The following CWH43 variants were observed in gnomAD, a reference collection of about 807,000 sequenced individuals.
The protein encoded by CWH43 is cell wall biogenesis 43 C-terminal homolog, also known as PGAP2-interacting protein.
A neutral mutation model predicts 85.7 loss-of-function variants in CWH43; 91 were observed. The observed-to-expected ratio is 1.06, with a 90% CI of 0.90 to 1.26. CWH43 has a LOEUF of 1.26. Among genes scored for constraint, CWH43 ranks in the 50% most tolerant of loss-of-function variants. The pLI, the probability that CWH43 is intolerant of heterozygous loss-of-function variation, is 0.00. For synonymous variants in CWH43, 323 were observed against 293.6 expected (o/e 1.10, Z -1.02); for missense variants, 869 against 839.2 (o/e 1.04, Z -0.44).
chr4:49,049,677 T>A (rs1784737403), intron 14 of CWH43, among the ~76,000 whole-genome samples: 1 of 152,202 alleles, frequency 6.6e-6, no homozygotes, highest in Non-Finnish European at 1.5e-5. Flanking sequence ...TATTTCCACC[T>A]CAGGACCTTT....
At chr4:49,001,964 T>C (rs1460154732) in intron 6 of CWH43, among the ~76,000 whole-genome samples, 2 of 152,204 alleles carry the variant, frequency 1.3e-5, no homozygotes, top group African/African-American at 4.8e-5. Flanking sequence ...AGATTTTTGG[T>C]ATTATTACAT....
At chr4:49,048,370 T>C (rs1270423844) in intron 14 of CWH43, among the ~76,000 whole-genome samples, 4 of 151,260 alleles carry the variant, frequency 2.6e-5, no homozygotes, top group Admixed American at 6.6e-5. Flanking sequence ...TGTATATATA[T>C]ACACACACAT....
intron 12 of CWH43, among the ~76,000 whole-genome samples, chr4:49,037,450 A>T (rs1222666337): frequency 1.3e-5 from 2 of 152,152 alleles, no homozygotes; most frequent in African/African-American, 4.8e-5. Flanking sequence ...TGCACCTGTC[A>T]TGCCAGTTAC....
intron 13 of CWH43, among the ~76,000 whole-genome samples, chr4:49,039,077 TTAAA>T (rs10597102): frequency 0.57 from 78,851 of 137,284 alleles, 25,640 homozygotes; most frequent in Middle Eastern, 0.75. Context: ...TATAAATAAA[TTAAA>T]TAAATAAATA....
intron 4 of CWH43, among the ~76,000 whole-genome samples, chr4:48,993,278 C>T (rs370555983): frequency 7.2e-5 from 11 of 152,302 alleles, no homozygotes; most frequent in African/African-American, 2.6e-4. Flanking sequence ...CTGTAATACA[C>T]TGCATTTTAC....
intron 15 of CWH43, among the ~76,000 whole-genome samples, chr4:49,056,005 G>A (rs1231391558): frequency 3.4e-5 from 5 of 146,282 alleles, no homozygotes; most frequent in South Asian, 2.2e-4. Flanking sequence ...ATGCTGGTGC[G>A]CTGCACCCAC....
At chr4:49,050,606 G>C in intron 14 of CWH43, 88 bp from the exon 15 acceptor site, 3 of 1,036,806 alleles carry the variant, frequency 2.9e-6, no homozygotes, top group Non-Finnish European at 4.2e-6. Flanking sequence ...TGGGAAACTG[G>C]TTTAATAACA....
intron 13 of CWH43, among the ~76,000 whole-genome samples, chr4:49,044,181 T>G (rs1210678046): frequency 6.6e-6 from 1 of 152,198 alleles, no homozygotes. Flanking sequence ...TTCTGTTCTC[T>G]TTCTTTGATG....
chr4:48,988,109 C>A (rs931369884), intron 1 of CWH43, among the ~76,000 whole-genome samples: 5 of 152,208 alleles, frequency 3.3e-5, no homozygotes, highest in Non-Finnish European at 4.4e-5. Flanking sequence ...CCATCCTCTA[C>A]TGGGGCCTGA....
At chr4:48,990,085 TAG>T (rs1782610888) in intron 2 of CWH43, among the ~76,000 whole-genome samples, 1 of 152,174 alleles carries the variant, frequency 6.6e-6, no homozygotes, top group Admixed American at 6.5e-5. Context: ...ACAGACTGAG[TAG>T]TTACTGGGAC....
intron 8 of CWH43, chr4:49,016,666 A>G: frequency 1.3e-6 from 1 of 760,896 alleles, no homozygotes; most frequent in Non-Finnish European, 2.5e-6. Context: ...AGGGGCAGTT[A>G]CTGGGCTTCT....
At chr4:48,999,962 G>A (rs34955300) in intron 6 of CWH43, among the ~76,000 whole-genome samples, 2,810 of 151,954 alleles carry the variant, frequency 0.018, 31 homozygotes, top group Non-Finnish European at 0.028. Context: ...AGGGAGCATT[G>A]AACTTATTTT....
chr4:48,994,480 G>A (rs948446643), intron 4 of CWH43, 139 bp from the exon 5 acceptor site: 9 of 671,296 alleles, frequency 1.3e-5, no homozygotes, highest in East Asian at 2.7e-5. Context: ...TCATATTGTA[G>A]TTGCATGTCT....
chr4:48,992,138 T>G lies in CWH43; in HGVS notation c.511+48T>G. On this transcript the variant is annotated intron_variant, in intron 4 of 15. Coordinates refer to ENST00000226432, the MANE Select transcript of CWH43 (RefSeq NM_025087.3). The surrounding 1 kb of genome is among the most constrained non-coding windows in gnomAD (Gnocchi z 4.3). Reference sequence around the variant, plus strand: ...TTCTCTTTGCAGAGCTTACCTTTCCTATGTGAATGTTGCACATCTTGGAAA... The same window carrying G: ...TTCTCTTTGCAGAGCTTACCTTTCCGATGTGAATGTTGCACATCTTGGAAA... 1 of 1,454,744 alleles carries G rather than the reference T, an allele frequency of 6.9e-7. No homozygotes were observed. The allele number at this position is 1,454,744 out of a possible 1,614,324, so 90.1% of individuals were successfully genotyped here.
chr4:49,001,462 G>A (rs557774197), intron 6 of CWH43, among the ~76,000 whole-genome samples: 5 of 152,008 alleles, frequency 3.3e-5, no homozygotes, highest in South Asian at 2.1e-4. Context: ...CTAACAGTGC[G>A]TATCATATAC....
intron 2 of CWH43, among the ~76,000 whole-genome samples, chr4:48,990,165 A>G (rs1782615123): frequency 6.6e-6 from 1 of 152,196 alleles, no homozygotes; most frequent in South Asian, 2.1e-4. Flanking sequence ...GTGATATAAA[A>G]TAAGTTTGGG....
At position 49,050,821 on chromosome 4, in the gene CWH43, G is replaced by T. The variant is rs1365653229; in HGVS notation, c.1993G>T (p.Val665Phe). The change falls in exon 15 of 16, where the codon GTT becomes TTT. Residue 665 changes from valine to phenylalanine, a missense_variant. Val to Phe is a conservative substitution (Grantham distance 50). Transcript: ENST00000226432. ...NQKVVIDHRE[V>F]SEKIHFNPRF... Reference sequence around the variant, plus strand: ...GAAAGTGGTCATAGACCACAGAGAAGTTTCTGAGAAAATTCATTTTAATCC... The same window carrying T: ...GAAAGTGGTCATAGACCACAGAGAATTTTCTGAGAAAATTCATTTTAATCC... The T allele has an allele frequency of 6.2e-6, 10 of 1,612,100 alleles. No individual in the cohort carries two copies. In the African/African-American group the frequency reaches 1.3e-4, roughly 22 times the overall value.
At chr4:48,999,996 C>T (rs1782939891) in intron 6 of CWH43, among the ~76,000 whole-genome samples, 1 of 152,092 alleles carries the variant, frequency 6.6e-6, no homozygotes, top group Non-Finnish European at 1.5e-5. Flanking sequence ...TATGCCAGCC[C>T]TCCTCCTTTC....
Position 49,016,689 on chromosome 4 carries a change from C to A in CWH43, c.1187-560C>A, listed in dbSNP as rs1783558281. ...TTACTGGGCTTCTGGGCTGCTTAGT[C>A]CATTCACCTTATCTGTGATGACCTT... On this transcript the variant is annotated intron_variant, in intron 8 of 15. Transcript: ENST00000226432. 10 of 767,648 alleles carry A rather than the reference C, an allele frequency of 1.3e-5. No homozygotes were observed. The South Asian group carries it at 1.3e-4, about 10-fold the overall frequency. The allele number at this position is 767,648 out of a possible 1,614,324, so 47.6% of individuals were successfully genotyped here.
Sources: allele counts gnomAD v4.1 joint callset (sites outside exome capture counted in the v4.1 genomes callset), GRCh38; gene constraint gnomAD v4.1.1; non-coding constraint Gnocchi (gnomAD v3.1); transcripts MANE v1.5; gene names NCBI Gene and HGNC (gene_info 2026-07-23, HGNC 2026-07-21).